The following CNTN4 variants were observed in gnomAD, a reference collection of about 807,000 sequenced individuals.
CNTN4 encodes the protein contactin-4.
Under a neutral mutation model 122.5 loss-of-function variants are expected in CNTN4, and 77 were observed. The ratio of observed to expected loss-of-function variants is 0.63; its 90% CI spans 0.52 to 0.76. The LOEUF is 0.76. Among genes scored for constraint, CNTN4 ranks in the 30% least tolerant of loss-of-function variants. The probability of loss-of-function intolerance (pLI) is 0.00; values close to 1 mark genes in which losing one functional copy is unlikely to be tolerated. For missense variants in CNTN4, 1,256 were observed against 1,259.1 expected (o/e 1.00, Z 0.04); for synonymous variants, 512 against 447.0 (o/e 1.15, Z -1.83).
At chr3:3,036,197 T>C (rs1019847723) in intron 17 of CNTN4, among the ~76,000 whole-genome samples, 1 of 152,312 alleles carries the variant, frequency 6.6e-6, no homozygotes, top group East Asian at 1.9e-4. Context: ...ATGGCCTTGA[T>C]GTTTTGAAGG....
intron 24 of CNTN4, 114 bp downstream of exon 24, chr3:3,054,089 T>A: frequency 9.4e-7 from 1 of 1,063,110 alleles, no homozygotes; most frequent in Non-Finnish European, 1.4e-6. Context: ...AAAATAGAAA[T>A]GGAGAACACT....
intron 4 of CNTN4, among the ~76,000 whole-genome samples, chr3:2,650,400 G>T (rs1453519083): frequency 1.3e-5 from 2 of 152,130 alleles, no homozygotes; most frequent in Admixed American, 6.6e-5. Flanking sequence ...TCTTGGTAAA[G>T]ATTGTGCAAA....
chr3:2,356,725 A>G (rs554133074), intron 3 of CNTN4, among the ~76,000 whole-genome samples: 23 of 152,258 alleles, frequency 1.5e-4, no homozygotes, highest in African/African-American at 5.3e-4. Flanking sequence ...CCTATTCAAG[A>G]TGGAGTTGCT....
At chr3:3,007,953 T>C (rs1190034797) in intron 14 of CNTN4, among the ~76,000 whole-genome samples, 2 of 152,202 alleles carry the variant, frequency 1.3e-5, no homozygotes, top group Non-Finnish European at 2.9e-5. Flanking sequence ...TGTTTTGTAA[T>C]TTAGGAAACT....
intron 4 of CNTN4, among the ~76,000 whole-genome samples, chr3:2,605,750 T>G (rs116007988): frequency 0.011 from 1,641 of 152,288 alleles, 32 homozygotes; most frequent in African/African-American, 0.038. Flanking sequence ...TGCCATTCAT[T>G]TATACCACAA....
chr3:2,709,406 C>T lies in CNTN4; in HGVS notation c.56-26809C>T, dbSNP rs866768395. Among the ~76,000 whole-genome samples the T allele has an allele frequency of 2.4e-4, 37 of 151,966 alleles. No homozygotes were observed. The highest frequency in any genetic ancestry group is 8.5e-4 in the African/African-American group (35 of 41,354). ...AGGATTTGATTGGTAAGGGTACAAC[C>T]TGTGCACCAGGGATTTTCAAAGTTC... is the stretch of plus-strand genomic sequence containing the variant. On this transcript the variant is annotated intron_variant, in intron 4 of 24. Transcript: ENST00000418658. The surrounding 1 kb of genome is among the most constrained non-coding windows in gnomAD (Gnocchi z 5.0).
At chr3:2,439,290 G>A (rs1488797785) in intron 3 of CNTN4, among the ~76,000 whole-genome samples, 3 of 152,172 alleles carry the variant, frequency 2.0e-5, no homozygotes, top group Admixed American at 1.3e-4. Context: ...ACTAGAAGCT[G>A]GGATGGGGCC....
At chr3:2,718,805 T>C (rs1311016029) in intron 4 of CNTN4, among the ~76,000 whole-genome samples, 1 of 152,236 alleles carries the variant, frequency 6.6e-6, no homozygotes, top group East Asian at 1.9e-4. Flanking sequence ...AAAGTTTTAC[T>C]ATAAGCCAAA....
At chr3:2,257,955 C>G (rs889621082) in intron 2 of CNTN4, among the ~76,000 whole-genome samples, 2 of 152,060 alleles carry the variant, frequency 1.3e-5, no homozygotes, top group African/African-American at 2.4e-5. Context: ...CCCAGCTACA[C>G]AAGAGGCTGA....
At chr3:2,575,947 G>A (rs181129436) in intron 4 of CNTN4, among the ~76,000 whole-genome samples, 17 of 150,394 alleles carry the variant, frequency 1.1e-4, no homozygotes, top group Non-Finnish European at 1.0e-4. Context: ...TCAGCCTCCC[G>A]AGTAAGTCTT....
chr3:2,823,235 C>G (rs115289304), intron 7 of CNTN4, among the ~76,000 whole-genome samples: 6,584 of 152,242 alleles, frequency 0.043, 221 homozygotes, highest in South Asian at 0.08. Context: ...TCCATTGTAA[C>G]AGATCATGCA....
intron 4 of CNTN4, among the ~76,000 whole-genome samples, chr3:2,595,325 C>T (rs2080716863): frequency 6.6e-6 from 1 of 152,150 alleles, no homozygotes; most frequent in African/African-American, 2.4e-5. Context: ...TCTGAGTCTG[C>T]ATGTATTAAT....
intron 3 of CNTN4, among the ~76,000 whole-genome samples, chr3:2,382,688 CCT>C (rs1218189778): frequency 6.6e-6 from 1 of 151,932 alleles, no homozygotes; most frequent in African/African-American, 2.4e-5. Flanking sequence ...GACAATATAC[CCT>C]GTTAGGTATG....
At chr3:2,992,174 C>G (rs1191095284) in intron 14 of CNTN4, among the ~76,000 whole-genome samples, 1 of 152,174 alleles carries the variant, frequency 6.6e-6, no homozygotes, top group Non-Finnish European at 1.5e-5. Context: ...GACAAGCAAT[C>G]ATCACATGAA....
chr3:2,517,279 G>T (rs1372562939), intron 3 of CNTN4, among the ~76,000 whole-genome samples: 1 of 152,038 alleles, frequency 6.6e-6, no homozygotes, highest in Non-Finnish European at 1.5e-5. Context: ...AGTAGTTAAT[G>T]GGGATATTCC....
At chr3:2,270,577 G>T (rs2041253611) in intron 2 of CNTN4, among the ~76,000 whole-genome samples, 1 of 152,090 alleles carries the variant, frequency 6.6e-6, no homozygotes, top group South Asian at 2.1e-4. Flanking sequence ...GAGAGATTTT[G>T]CAAATTGCCT....
intron 14 of CNTN4, among the ~76,000 whole-genome samples, chr3:2,993,429 C>T (rs558798178): frequency 4.6e-5 from 7 of 151,686 alleles, no homozygotes; most frequent in Non-Finnish European, 1.0e-4. Flanking sequence ...TCCCTAGTAG[C>T]TGGGATTACA....
chr3:2,794,758 T>C (rs1198125009), intron 6 of CNTN4, among the ~76,000 whole-genome samples: 1 of 152,200 alleles, frequency 6.6e-6, no homozygotes, highest in Non-Finnish European at 1.5e-5. Context: ...TTCTTACAGT[T>C]ATGGAGCCTG....
intron 3 of CNTN4, among the ~76,000 whole-genome samples, chr3:2,516,365 C>T (rs985369760): frequency 6.6e-6 from 1 of 152,010 alleles, no homozygotes; most frequent in East Asian, 1.9e-4. Context: ...TATTTCAATG[C>T]AAACTAGATT....
Sources: gnomAD v4.1 joint callset for allele counts (sites outside exome capture counted in the v4.1 genomes callset) on GRCh38, gnomAD v4.1.1 for gene constraint, Gnocchi (gnomAD v3.1) non-coding constraint, MANE v1.5 for transcripts, NCBI Gene and HGNC (gene_info 2026-07-23, HGNC 2026-07-21) for gene names.